TTC39B: variants seen among roughly 807,000 people sequenced by gnomAD.
TTC39B encodes tetratricopeptide repeat domain 39B.
TTC39B carries 92 observed loss-of-function variants against 96.6 expected under a neutral mutation model. The ratio of observed to expected loss-of-function variants is 0.95; its 90% confidence interval spans 0.80 to 1.13. The LOEUF is 1.13. Among genes scored for constraint, TTC39B ranks in the 50% most tolerant of loss-of-function variants. TTC39B has a pLI of 0.00. For missense variants in TTC39B, 955 were observed against 809.3 expected (o/e 1.18, Z -2.18); for synonymous variants, 367 against 299.4 (o/e 1.23, Z -2.33).
At chr9:15,284,500 T>G (rs891734378) in intron 1 of TTC39B, among the ~76,000 whole-genome samples, 2 of 152,146 alleles carry the variant, frequency 1.3e-5, no homozygotes, top group African/African-American at 4.8e-5. Context: ...TTAAATAAAT[T>G]ATAGTACAAT....
At position 15,177,731 on chromosome 9, in the gene TTC39B, G is replaced by C. The variant is rs756376183; in HGVS notation, c.1807C>G (p.Gln603Glu). The C allele has an allele frequency of 1.1e-5, 17 of 1,613,300 alleles. No homozygotes were observed. Among genetic ancestry groups the C allele is most frequent in the Admixed American group, 1.7e-5 (1 of 59,964 alleles). Residue 603 changes from glutamine (Q) to glutamate (E), a missense_variant, in exon 18 of 20, where the codon CAA (glutamine) becomes GAA (glutamate). Transcript: ENST00000512701. The stretch of plus-strand genomic sequence containing the variant: ...ACATGATTGTAACATAGTTCAGCTT[G>C]CAAGGGCCGCTGTAAGTTCTTGAGG...
chr9:15,302,338 C>T (rs1428767657), intron 1 of TTC39B, among the ~76,000 whole-genome samples: 2 of 134,402 alleles, frequency 1.5e-5, no homozygotes, highest in South Asian at 2.5e-4. Flanking sequence ...AAAAAAAGGC[C>T]GGGCGCGGTG....
chr9:15,284,417 T>C (rs1377256050), intron 1 of TTC39B, among the ~76,000 whole-genome samples: 4 of 152,220 alleles, frequency 2.6e-5, no homozygotes, highest in Admixed American at 6.5e-5. Context: ...CACGGTTTCA[T>C]GTACCAAGAT....
chr9:15,247,063 G>A (rs1175451850), intron 2 of TTC39B, among the ~76,000 whole-genome samples: 1 of 152,206 alleles, frequency 6.6e-6, no homozygotes, highest in East Asian at 1.9e-4. Context: ...ATAGTGTCCA[G>A]TTTTGGTTGT....
intron 19 of TTC39B, among the ~76,000 whole-genome samples, chr9:15,174,512 G>A (rs1168322347): frequency 6.6e-6 from 1 of 152,148 alleles, no homozygotes; most frequent in African/African-American, 2.4e-5. Flanking sequence ...CAGAGTCTGG[G>A]TAAGATCTGC....
At chr9:15,219,943 G>A (rs185092144) in intron 3 of TTC39B, among the ~76,000 whole-genome samples, 67 of 152,208 alleles carry the variant, frequency 4.4e-4, no homozygotes, top group Non-Finnish European at 5.7e-4. Context: ...ATTTTTCCAC[G>A]CATCTAAGCT....
At chr9:15,178,325 T>G (rs1431351830) in intron 17 of TTC39B, among the ~76,000 whole-genome samples, 1 of 152,122 alleles carries the variant, frequency 6.6e-6, no homozygotes, top group East Asian at 1.9e-4. Flanking sequence ...GTAATCCCAA[T>G]GCTTTGGGAG....
At chr9:15,263,617 C>G (rs921016855) in intron 2 of TTC39B, among the ~76,000 whole-genome samples, 1 of 152,180 alleles carries the variant, frequency 6.6e-6, no homozygotes, top group Non-Finnish European at 1.5e-5. Flanking sequence ...CTTACAATAC[C>G]TCTCAGAACG....
rs535124747 is a variant in TTC39B, at chr9:15,246,114, G to A, written c.276-20102C>T. Among the ~76,000 whole-genome samples, 11 of 152,218 alleles carry A rather than the reference G, an allele frequency of 7.2e-5. No homozygotes were observed. The South Asian group carries it at 1.0e-3, about 14-fold the overall frequency. ...AATAAAAATACAAAATTAGCTGGGC[G>A]TGGTGGCACATGCCTGTAATCCCGG... On this transcript the variant is annotated intron_variant, in intron 2 of 19. Transcript: ENST00000512701.
chr9:15,269,605 G>A lies in TTC39B; in HGVS notation c.241-1657C>T, dbSNP rs561766302. Among the ~76,000 whole-genome samples the A allele has an allele frequency of 5.9e-5, 9 of 152,280 alleles. No homozygotes were observed. The South Asian group carries it at 1.9e-3, about 32-fold the overall frequency. ...GCAGTGGCTCATGCCTGCAATCCCA[G>A]CACTTTGGGAGGCCGAGGCGGGTGG... On this transcript the variant is annotated intron_variant, in intron 1 of 19. Coordinates refer to ENST00000512701, the Ensembl canonical transcript of TTC39B.
chr9:15,168,174 GC>G (rs1817562165), exon 20 of TTC39B: 1 of 152,182 alleles, frequency 6.6e-6, no homozygotes, highest in South Asian at 2.1e-4. Flanking sequence ...TCCCACATGT[GC>G]TGTAAGCCAT....
At chr9:15,205,396 C>A (rs1282842711) in intron 6 of TTC39B, among the ~76,000 whole-genome samples, 3 of 152,192 alleles carry the variant, frequency 2.0e-5, no homozygotes, top group African/African-American at 7.2e-5. Context: ...ATGCCACCCC[C>A]ACCCTACACA....
intron 2 of TTC39B, among the ~76,000 whole-genome samples, chr9:15,248,281 C>T (rs559108785): frequency 6.6e-6 from 1 of 152,214 alleles, no homozygotes; most frequent in Non-Finnish European, 1.5e-5. Flanking sequence ...TCAGCACTTA[C>T]TATAGCACTG....
intron 7 of TTC39B, among the ~76,000 whole-genome samples, chr9:15,202,933 C>T (rs1411968446): frequency 6.6e-6 from 1 of 151,832 alleles, no homozygotes; most frequent in Non-Finnish European, 1.5e-5. Flanking sequence ...GTATCAGTTC[C>T]CAGAGGTGAA....
intron 17 of TTC39B, 142 bp from the exon 18 acceptor site, chr9:15,177,956 G>A (rs531267774): frequency 8.5e-5 from 40 of 468,504 alleles, no homozygotes; most frequent in African/African-American, 5.1e-4. Context: ...TGCAAGCTCC[G>A]TCTCCCGGGT....
chr9:15,193,654 A>C (rs899521050), intron 8 of TTC39B, among the ~76,000 whole-genome samples: 5 of 152,192 alleles, frequency 3.3e-5, no homozygotes, highest in African/African-American at 9.7e-5. Context: ...GCCAAGATAA[A>C]ATGATGAATG....
chr9:15,189,740 G>A (rs774776110), exon 12 of TTC39B: 3 of 1,613,788 alleles, frequency 1.9e-6, no homozygotes, highest in Admixed American at 1.7e-5. Context: ...GAAACTGCTG[G>A]AGGAAGGGTG....
intron 1 of TTC39B, among the ~76,000 whole-genome samples, chr9:15,274,457 G>A (rs936519427): frequency 1.3e-5 from 2 of 152,162 alleles, no homozygotes; most frequent in African/African-American, 4.8e-5. Flanking sequence ...GATGGCAAAT[G>A]TAATAATCAG....
At chr9:15,172,146 T>G (rs1050835998) in intron 19 of TTC39B, 37 bp from the exon 20 acceptor site, 3 of 1,492,466 alleles carry the variant, frequency 2.0e-6, no homozygotes, top group Non-Finnish European at 1.9e-6. Context: ...CAGTCAAAAT[T>G]TCCTTATATA....
Sources: allele counts gnomAD v4.1 joint callset (sites outside exome capture counted in the v4.1 genomes callset), GRCh38; gene constraint gnomAD v4.1.1; transcripts MANE v1.5; gene names NCBI Gene and HGNC (gene_info 2026-07-23, HGNC 2026-07-21).